CADPS: variants seen among roughly 807,000 people sequenced by gnomAD.
The protein encoded by CADPS is calcium dependent secretion activator, also known as calcium-dependent secretion activator 1.
A neutral mutation model predicts 167.3 loss-of-function variants in CADPS; 57 were observed. That is an observed-to-expected ratio of 0.34 (90% CI 0.28 to 0.42). CADPS has a LOEUF of 0.42. CADPS is among the 20% of genes least tolerant of loss of function. CADPS has a pLI of 1.00. For synonymous variants in CADPS, 676 were observed against 635.3 expected, an observed-to-expected ratio of 1.06 and a Z score of -0.96; for missense variants, 1,414 against 1,738.1, an observed-to-expected ratio of 0.81 and a Z score of 3.32.
At chr3:62,776,395 C>T (rs1250999589) in intron 1 of CADPS, among the ~76,000 whole-genome samples, 1 of 152,314 alleles carries the variant, frequency 6.6e-6, no homozygotes, top group Non-Finnish European at 1.5e-5. Flanking sequence ...TGGCTCATGC[C>T]TGTAATCCCA....
At chr3:62,558,982 G>A (rs569037594) in intron 9 of CADPS, among the ~76,000 whole-genome samples, 1 of 151,974 alleles carries the variant, frequency 6.6e-6, no homozygotes, top group South Asian at 2.1e-4. Flanking sequence ...ATGGGCCTGG[G>A]GTCCCATCCC....
intron 1 of CADPS, among the ~76,000 whole-genome samples, chr3:62,834,503 G>A (rs1279839832): frequency 6.6e-6 from 1 of 152,116 alleles, no homozygotes; most frequent in Non-Finnish European, 1.5e-5. Flanking sequence ...GGATTTAGAC[G>A]TTTGTTAGAC....
At chr3:62,761,811 T>G (rs556546954) in intron 2 of CADPS, among the ~76,000 whole-genome samples, 1 of 152,068 alleles carries the variant, frequency 6.6e-6, no homozygotes. Context: ...ACCAGGGGTG[T>G]GAGAACCAGA....
At chr3:62,485,806 C>T (rs1576666808) in intron 21 of CADPS, among the ~76,000 whole-genome samples, 1 of 152,148 alleles carries the variant, frequency 6.6e-6, no homozygotes, top group African/African-American at 2.4e-5. Context: ...TGAATATGGA[C>T]AGTGATATCT....
At chr3:62,851,864 G>A (rs931396546) in intron 1 of CADPS, among the ~76,000 whole-genome samples, 1 of 151,764 alleles carries the variant, frequency 6.6e-6, no homozygotes, top group African/African-American at 2.4e-5. Flanking sequence ...ACATCCTGCA[G>A]AGTGTTTTCC....
At chr3:62,629,757 G>GTTTTTTTTTTTTTTTTTTTTTTTTTTTTT (rs55956118) in intron 6 of CADPS, among the ~76,000 whole-genome samples, 5 of 145,672 alleles carry the variant, frequency 3.4e-5, no homozygotes, top group South Asian at 2.2e-4. Flanking sequence ...CTCTGGTACA[G>GTTTTTTTTTTTTTTTTTTTTTTTTTTTTT]TTTTTTTTTT....
rs990273606 is a variant in CADPS, at chr3:62,531,699, C to A, written c.2291+1172G>T. Among the ~76,000 whole-genome samples the A allele has an allele frequency of 3.3e-5, 5 of 152,256 alleles. No individual in the cohort carries two copies. The East Asian group carries it at 9.7e-4, about 29-fold the overall frequency. Reference sequence around the variant, plus strand: ...GGTTTCTGAAGCCACCTAGTGTTTCCTGGGTGTGGCTTCACTGGCTGTTGG... The same window carrying A: ...GGTTTCTGAAGCCACCTAGTGTTTCATGGGTGTGGCTTCACTGGCTGTTGG... On this transcript the variant is annotated intron_variant, in intron 13 of 29. Coordinates refer to ENST00000383710, the MANE Select transcript of CADPS (RefSeq NM_003716.4).
chr3:62,811,161 T>G (rs963278467), intron 1 of CADPS, among the ~76,000 whole-genome samples: 1 of 152,160 alleles, frequency 6.6e-6, no homozygotes, highest in African/African-American at 2.4e-5. Context: ...AAAGCACATT[T>G]GAATAAATCA....
intron 1 of CADPS, among the ~76,000 whole-genome samples, chr3:62,766,304 T>C (rs1031720097): frequency 6.6e-6 from 1 of 152,182 alleles, no homozygotes; most frequent in African/African-American, 2.4e-5. Flanking sequence ...GGTATTTGCA[T>C]GAGGGAAATT....
At chr3:62,588,809 T>A (rs541444887) in intron 7 of CADPS, among the ~76,000 whole-genome samples, 8 of 152,292 alleles carry the variant, frequency 5.3e-5, no homozygotes, top group African/African-American at 1.9e-4. Context: ...ATATGAAAAC[T>A]AATCACCAAA....
chr3:62,713,611 T>G (rs949345176), intron 3 of CADPS, among the ~76,000 whole-genome samples: 3 of 152,260 alleles, frequency 2.0e-5, no homozygotes, highest in Non-Finnish European at 4.4e-5. Context: ...AGCCCTGCTC[T>G]GCTGCTGCTG....
intron 2 of CADPS, among the ~76,000 whole-genome samples, chr3:62,756,041 AT>A (rs1391613531): frequency 6.7e-6 from 1 of 149,052 alleles, no homozygotes; most frequent in East Asian, 2.0e-4. Context: ...TGATTCTCTA[AT>A]TTCTTTTTCT....
chr3:62,730,066 G>T (rs994022950), intron 3 of CADPS, among the ~76,000 whole-genome samples: 1 of 151,940 alleles, frequency 6.6e-6, no homozygotes, highest in Non-Finnish European at 1.5e-5. Context: ...ATCAGCCAGA[G>T]TCTCTGAAGT....
At chr3:62,628,580 T>TA (rs1251188679) in intron 6 of CADPS, among the ~76,000 whole-genome samples, 1 of 127,008 alleles carries the variant, frequency 7.9e-6, no homozygotes, top group South Asian at 3.1e-4. Context: ...TTCTACTCCT[T>TA]TACACACACA....
intron 28 of CADPS, among the ~76,000 whole-genome samples, chr3:62,419,369 G>C (rs140819560): frequency 5.9e-5 from 9 of 152,200 alleles, no homozygotes; most frequent in African/African-American, 2.2e-4. Flanking sequence ...AGGCCTCCCT[G>C]TGCACTGAGA....
intron 9 of CADPS, among the ~76,000 whole-genome samples, chr3:62,567,040 G>T (rs1045133537): frequency 6.6e-6 from 1 of 152,142 alleles, no homozygotes; most frequent in Non-Finnish European, 1.5e-5. Flanking sequence ...AGAAGGCTCA[G>T]TGTGAAGGCT....
chr3:62,544,425 A>AAAC lies in CADPS; in HGVS notation c.1966+5475_1966+5477dup, dbSNP rs146758720. Among the ~76,000 whole-genome samples, 13,571 of 151,826 alleles carry AAAC rather than the reference A, an allele frequency of 0.089. 683 individuals are homozygous for AAAC. Among genetic ancestry groups the AAAC allele is most frequent in the African/African-American group, 0.15 (6,133 of 41,356 alleles). On this transcript the variant is annotated intron_variant, in intron 11 of 29. Coordinates refer to ENST00000383710, the MANE Select transcript of CADPS (RefSeq NM_003716.4). This position sits in a 1 kb window ranked among gnomAD's most constrained non-coding sequence, Gnocchi z 4.4. Reference sequence around the variant, plus strand: ...TCGAATCTTTGGAATGGGAAAGGAAAAACAACAACAACAACAACAACAACA... The same window carrying AAAC: ...TCGAATCTTTGGAATGGGAAAGGAAAAACAACAACAACAACAACAACAACAACA...
intron 16 of CADPS, among the ~76,000 whole-genome samples, chr3:62,515,501 A>G (rs560735556): frequency 6.6e-6 from 1 of 152,210 alleles, no homozygotes; most frequent in Non-Finnish European, 1.5e-5. Flanking sequence ...TAAGGTCTGG[A>G]GTAACAAGAA....
intron 3 of CADPS, among the ~76,000 whole-genome samples, chr3:62,727,464 C>T (rs573100004): frequency 6.6e-6 from 1 of 151,902 alleles, no homozygotes; most frequent in East Asian, 1.9e-4. Flanking sequence ...AGGCCCAATA[C>T]CCACCTTTTC....
Sources: allele counts gnomAD v4.1 joint callset (sites outside exome capture counted in the v4.1 genomes callset), GRCh38; gene constraint gnomAD v4.1.1; non-coding constraint Gnocchi (gnomAD v3.1); transcripts MANE v1.5; gene names NCBI Gene and HGNC (gene_info 2026-07-23, HGNC 2026-07-21).